N4BP2L2: variants seen among roughly 807,000 people sequenced by gnomAD.
N4BP2L2 encodes NEDD4 binding protein 2 like 2.
A neutral mutation model predicts 56.2 loss-of-function variants in N4BP2L2; 50 were observed. The observed-to-expected ratio is 0.89, with a 90% CI of 0.71 to 1.13. The LOEUF (loss-of-function observed/expected upper bound fraction) is 1.13, where lower values mean the gene tolerates loss of function less well. N4BP2L2 is among the 50% of genes most tolerant of loss of function. The probability of loss-of-function intolerance (pLI) is 0.00; values close to 1 mark genes in which losing one functional copy is unlikely to be tolerated. For missense variants in N4BP2L2, 689 were observed against 693.8 expected (o/e 0.99, Z 0.08); for synonymous variants, 203 against 223.6 (o/e 0.91, Z 0.82).
At chr13:32,523,928 C>G (rs1353361517) in intron 3 of N4BP2L2, 1 of 152,038 alleles carries the variant, frequency 6.6e-6, no homozygotes, top group African/African-American at 2.4e-5. Flanking sequence ...ACTCATGTAA[C>G]CAAACACCTC....
At chr13:32,521,790 A>G in intron 4 of N4BP2L2, 1 of 263,500 alleles carries the variant, frequency 3.8e-6, no homozygotes, top group South Asian at 5.3e-5. Flanking sequence ...AGCCTGGCCA[A>G]CATGGTGAAA....
At chr13:32,522,529 C>T in intron 3 of N4BP2L2, 1 of 259,106 alleles carries the variant, frequency 3.9e-6, no homozygotes, top group Non-Finnish European at 7.1e-6. Flanking sequence ...GCTGAACTTA[C>T]AGCTAATAAA....
At chr13:32,437,321 C>A (rs1053062956) in intron 8 of N4BP2L2, among the ~76,000 whole-genome samples, 3 of 152,140 alleles carry the variant, frequency 2.0e-5, no homozygotes, top group Non-Finnish European at 4.4e-5. Flanking sequence ...AATGGACAGA[C>A]GAAATGAGTC....
At position 32,443,204 on chromosome 13, in the gene N4BP2L2, C is replaced by T. The variant is rs774396640; in HGVS notation, c.1288G>A (p.Gly430Arg). 2.5e-5 allele frequency: 40 copies of T among 1,613,706 alleles called. 1 individual carries two copies. In the Admixed American group the frequency reaches 6.5e-4, roughly 26 times the overall value. Residue 430 changes from glycine to arginine, a missense_variant, in exon 7 of 10, where the codon GGA becomes AGA. Coordinates refer to the N4BP2L2 transcript ENST00000357505. ...GGTGGAGGTGAAAAATCTTCATTTCCTATCAGTAGTTTGTCTGTCAATATT... is the reference window on the plus strand; with the variant it reads ...GGTGGAGGTGAAAAATCTTCATTTCTTATCAGTAGTTTGTCTGTCAATATT...
At chr13:32,494,178 G>A (rs946655410) in intron 6 of N4BP2L2, among the ~76,000 whole-genome samples, 2 of 152,072 alleles carry the variant, frequency 1.3e-5, no homozygotes, top group Admixed American at 6.6e-5. Context: ...AGCTACTCAG[G>A]TGGCTGAGGC....
chr13:32,485,992 C>A lies in N4BP2L2; in HGVS notation c.365+31865G>T, dbSNP rs147029180. On this transcript the variant is annotated intron_variant, in intron 6 of 9. Coordinates refer to the N4BP2L2 transcript ENST00000357505. ...GGCTGAGGTGGAAGTGTTGCTTGAG[C>A]CTGGGAGGCAGAGGTTGCGGTGAAC... 1.5e-4 allele frequency among the ~76,000 whole-genome samples: 23 copies of A among 152,274 alleles called. 1 individual carries two copies. Among genetic ancestry groups the A allele is most frequent in the Non-Finnish European group, 3.2e-4 (22 of 68,032 alleles).
chr13:32,492,273 A>AATTTTT (rs2087294794), intron 6 of N4BP2L2, among the ~76,000 whole-genome samples: 1 of 72,128 alleles, frequency 1.4e-5, no homozygotes, highest in African/African-American at 5.7e-5. Flanking sequence ...AAACACCAAA[A>AATTTTT]TTTTTTTTTT....
chr13:32,492,323 G>A (rs1264575043), intron 6 of N4BP2L2, among the ~76,000 whole-genome samples: 1 of 118,688 alleles, frequency 8.4e-6, no homozygotes, highest in African/African-American at 3.4e-5. Context: ...CGCTTTGTCG[G>A]CGAGGCTGGA....
chr13:32,525,483 CAA>C (rs1372759580), intron 3 of N4BP2L2: 1 of 152,100 alleles, frequency 6.6e-6, no homozygotes, highest in Admixed American at 6.6e-5. Context: ...CAAAATTCTA[CAA>C]AGTTTTTTTA....
chr13:32,447,805 G>GTT (rs201467161), intron 6 of N4BP2L2, among the ~76,000 whole-genome samples: 3 of 150,590 alleles, frequency 2.0e-5, no homozygotes, highest in African/African-American at 7.4e-5. Flanking sequence ...TTTTTTCGTT[G>GTT]TTTTTTTTTC....
exon 7 of N4BP2L2, chr13:32,442,657 C>A: frequency 1.2e-6 from 2 of 1,613,818 alleles, no homozygotes; most frequent in Non-Finnish European, 8.5e-7. Flanking sequence ...TAGTTTATTA[C>A]CTACTCTTGT....
At chr13:32,469,103 T>G (rs559359419) in intron 6 of N4BP2L2, among the ~76,000 whole-genome samples, 27 of 152,352 alleles carry the variant, frequency 1.8e-4, no homozygotes, top group Middle Eastern at 3.4e-3. Context: ...GAGTGTTCTT[T>G]TCAGCCATTC....
intron 6 of N4BP2L2, chr13:32,478,054 G>C: frequency 1.6e-6 from 2 of 1,288,556 alleles, no homozygotes; most frequent in Non-Finnish European, 2.0e-6. Flanking sequence ...GGTTGCTGTG[G>C]GAAAATTGTG....
intron 6 of N4BP2L2, among the ~76,000 whole-genome samples, chr13:32,485,838 G>A (rs2085734471): frequency 6.6e-6 from 1 of 152,198 alleles, no homozygotes; most frequent in African/African-American, 2.4e-5. Context: ...GGAGGCCAAG[G>A]TGGGAGGATC....
chr13:32,527,700 C>G (rs748485051), intron 2 of N4BP2L2, among the ~76,000 whole-genome samples, 168 bp from the exon 3 acceptor site: 7 of 152,038 alleles, frequency 4.6e-5, no homozygotes, highest in Non-Finnish European at 7.4e-5. Flanking sequence ...AGCACAAGAG[C>G]TGAATAATCT....
intron 7 of N4BP2L2, among the ~76,000 whole-genome samples, chr13:32,439,289 T>C (rs772521543): frequency 2.6e-5 from 4 of 152,244 alleles, no homozygotes; most frequent in Admixed American, 6.5e-5. Flanking sequence ...ATGTTAGTCT[T>C]GTCTCCCAAT....
At chr13:32,471,512 G>A (rs879526175) in intron 6 of N4BP2L2, among the ~76,000 whole-genome samples, 3 of 152,236 alleles carry the variant, frequency 2.0e-5, no homozygotes, top group South Asian at 2.1e-4. Context: ...GGGCGCACCC[G>A]AAGAAAGACA....
chr13:32,493,442 C>T (rs1286750769), intron 6 of N4BP2L2, among the ~76,000 whole-genome samples: 2 of 152,174 alleles, frequency 1.3e-5, no homozygotes, highest in Non-Finnish European at 2.9e-5. Context: ...AACTGGTACA[C>T]AAACAGTTTT....
At chr13:32,482,268 A>T (rs2084908496) in intron 6 of N4BP2L2, among the ~76,000 whole-genome samples, 1 of 152,236 alleles carries the variant, frequency 6.6e-6, no homozygotes, top group African/African-American at 2.4e-5. Flanking sequence ...ATTACACTTA[A>T]GATGACACGA....
Sources: allele counts gnomAD v4.1 joint callset (sites outside exome capture counted in the v4.1 genomes callset), GRCh38; gene constraint gnomAD v4.1.1; transcripts MANE v1.5; gene names NCBI Gene and HGNC (gene_info 2026-07-23, HGNC 2026-07-21).